ESCO1: variants seen among roughly 807,000 people sequenced by gnomAD.
ESCO1 encodes N-acetyltransferase ESCO1.
In ESCO1, 33 loss-of-function variants were observed where a neutral mutation model predicts 83.5. The observed-to-expected ratio is 0.40, with a 90% confidence interval of 0.30 to 0.53. ESCO1 has a LOEUF of 0.53. Among genes scored for constraint, ESCO1 ranks in the 20% least tolerant of loss-of-function variants. ESCO1 has a pLI of 0.63. For missense variants in ESCO1, 855 were observed against 968.0 expected (o/e 0.88, Z 1.55); for synonymous variants, 332 against 324.3 (o/e 1.02, Z -0.25).
intron 11 of ESCO1, 28 bp from the exon 12 acceptor site, chr18:21,530,518 G>A (rs771936269): frequency 5.7e-6 from 8 of 1,392,140 alleles, no homozygotes; most frequent in Admixed American, 5.0e-5. Context: ...GGGGGGGGAA[G>A]GGTTAAGTGT....
chr18:21,557,173 TATC>T (rs1412043230), intron 8 of ESCO1, among the ~76,000 whole-genome samples: 1 of 152,238 alleles, frequency 6.6e-6, no homozygotes, highest in African/African-American at 2.4e-5. Flanking sequence ...TTTAAATTTT[TATC>T]ATTCAAAATA....
chr18:21,535,974 G>A, intron 10 of ESCO1, 68 bp downstream of exon 10: 2 of 1,540,792 alleles, frequency 1.3e-6, no homozygotes, highest in Non-Finnish European at 1.8e-6. Context: ...CAGGATTTAT[G>A]TTATTTGGGA....
chr18:21,566,586 A>T (rs1246864378), intron 5 of ESCO1, among the ~76,000 whole-genome samples: 1 of 152,232 alleles, frequency 6.6e-6, no homozygotes, highest in Non-Finnish European at 1.5e-5. Flanking sequence ...GACGCCGGGC[A>T]TGGTGGCCTC....
chr18:21,575,528 A>C (rs2038408061), intron 3 of ESCO1, 98 bp from the exon 4 acceptor site: 2 of 398,242 alleles, frequency 5.0e-6, no homozygotes, highest in Non-Finnish European at 8.9e-6. Context: ...GGAAAATCTA[A>C]CTCCTCCTTT....
Position 21,567,962 on chromosome 18 carries a change from A to G in ESCO1, c.1645+18T>C. 1 of 1,574,986 alleles carries G rather than the reference A, an allele frequency of 6.3e-7. No individual in the cohort carries two copies. Among genetic ancestry groups the G allele is most frequent in the Non-Finnish European group, 8.7e-7 (1 of 1,150,840 alleles). ...CACTGAAGACTATGAAATCCAAATA[A>G]TATTTCCAAAGTATTACCTGGAAAT... On this transcript the variant is annotated intron_variant, in intron 5 of 11. Transcript: ENST00000269214.
At position 21,574,323 on chromosome 18, in the gene ESCO1, T is replaced by G. The variant is rs773476988; in HGVS notation, c.521A>C (p.His174Pro). ...TACTTCCAGTACTTTTCTCTTCACA[T>G]GTTTTTGACTTGTTTTATTAGATTT... ...QSKSNKTSQK[H>P]VKRKVLEVKS... The change falls in exon 4 of 12, where the codon CAT becomes CCT. Residue 174 changes from histidine to proline, a missense_variant. Physicochemically the swap from His to Pro is moderately conservative, Grantham distance 77. Around this residue, in one of 2 missense-constraint regions of ESCO1, gnomAD observed 726 missense variants for 699.5 expected, o/e 1.04. Transcript: ENST00000269214. 2 of 1,613,820 alleles carry G rather than the reference T, an allele frequency of 1.2e-6. No individual in the cohort carries two copies. The highest frequency in any genetic ancestry group is 1.7e-5 in the Admixed American group (1 of 59,934).
chr18:21,530,513 G>GA, intron 11 of ESCO1, 23 bp from the exon 12 acceptor site: 1 of 1,423,138 alleles, frequency 7.0e-7, no homozygotes, highest in Admixed American at 2.3e-5. Flanking sequence ...AATGGGGGGG[G>GA]GGAAGGGTTA....
At chr18:21,582,833 C>A (rs556868759) in intron 2 of ESCO1, among the ~76,000 whole-genome samples, 1 of 152,244 alleles carries the variant, frequency 6.6e-6, no homozygotes, top group Non-Finnish European at 1.5e-5. Flanking sequence ...TACATTACTA[C>A]AAATGATTCA....
At chr18:21,571,839 C>G (rs1483845821) in intron 4 of ESCO1, among the ~76,000 whole-genome samples, 1 of 152,200 alleles carries the variant, frequency 6.6e-6, no homozygotes, top group East Asian at 1.9e-4. Flanking sequence ...CTATCACTGA[C>G]TGGTAAAATC....
chr18:21,537,378 T>C (rs1230806474), intron 9 of ESCO1, among the ~76,000 whole-genome samples: 1 of 152,040 alleles, frequency 6.6e-6, no homozygotes, highest in East Asian at 1.9e-4. Context: ...CTTTACAAAA[T>C]TGTTTTATTA....
At chr18:21,544,462 A>C (rs947321173) in intron 8 of ESCO1, among the ~76,000 whole-genome samples, 22 of 148,702 alleles carry the variant, frequency 1.5e-4, no homozygotes, top group Middle Eastern at 3.4e-3. Context: ...CAAAAAAAAA[A>C]CAAAAAAAAA....
At chr18:21,585,892 G>A (rs2038568757) in intron 1 of ESCO1, among the ~76,000 whole-genome samples, 1 of 152,050 alleles carries the variant, frequency 6.6e-6, no homozygotes, top group Non-Finnish European at 1.5e-5. Flanking sequence ...ACTGAGCCCA[G>A]CCTAAAAGAA....
chr18:21,582,894 AAC>A (rs2038521828), intron 2 of ESCO1, among the ~76,000 whole-genome samples: 1 of 152,258 alleles, frequency 6.6e-6, no homozygotes, highest in Non-Finnish European at 1.5e-5. Context: ...CTAATTTTCA[AAC>A]AGTTTAATTT....
At position 21,574,790 on chromosome 18, in the gene ESCO1, T is replaced by C; in HGVS notation, c.54A>G (p.Lys18=). The part of the protein sequence containing the change: ...SKENSSKVTK[K]SDDKNSETEI... ...CTGTTTCTGAATTCTTATCGTCACTTTTTTTAGTAACTTTGGAGGAATTCT... is the reference window on the plus strand; with the variant it reads ...CTGTTTCTGAATTCTTATCGTCACTCTTTTTAGTAACTTTGGAGGAATTCT... The change falls in exon 4 of 12, where the codon AAA becomes AAG. Residue 18 remains lysine, a synonymous_variant. Coordinates refer to ENST00000269214, the MANE Select transcript of ESCO1 (RefSeq NM_052911.3). The C allele has an allele frequency of 6.2e-7, 1 of 1,600,834 alleles. No homozygotes were observed. Among genetic ancestry groups the C allele is most frequent in the East Asian group, 2.2e-5 (1 of 44,850 alleles).
At position 21,530,473 on chromosome 18, in the gene ESCO1, C is replaced by T. The variant is rs1319414766; in HGVS notation, c.2393G>A (p.Gly798Asp). 6.4e-7 allele frequency: 1 copy of T among 1,567,828 alleles called. No individual in the cohort carries two copies. Among genetic ancestry groups the T allele is most frequent in the Non-Finnish European group, 8.7e-7 (1 of 1,155,800 alleles). Residue 798 changes from glycine to aspartate, a missense_variant, in exon 12 of 12, where the codon GGC becomes GAC. Gly to Asp is a moderately conservative substitution (Grantham distance 94). This residue lies in a region of ESCO1 where 129 missense variants were observed against 268.5 expected (regional missense o/e 0.48). Transcript: ENST00000269214. Reference sequence around the variant, plus strand: ...AATTTCTTCTTTGCTCAAATATGAGCCATATATAAAGTTACTCCTATTAAA... The same window carrying T: ...AATTTCTTCTTTGCTCAAATATGAGTCATATATAAAGTTACTCCTATTAAA... ...IECLRSNFIYGSYLSKEEIAF... is the reference protein window; with the variant it reads ...IECLRSNFIYDSYLSKEEIAF...
At chr18:21,530,549 A>G in intron 11 of ESCO1, 59 bp from the exon 12 acceptor site, 2 of 1,426,422 alleles carry the variant, frequency 1.4e-6, no homozygotes, top group Admixed American at 5.0e-5. Flanking sequence ...AAAAAAAAAA[A>G]TTCTAATCAT....
intron 1 of ESCO1, among the ~76,000 whole-genome samples, 163 bp from the exon 2 acceptor site, chr18:21,584,603 T>C (rs1471058021): frequency 6.6e-6 from 1 of 152,020 alleles, no homozygotes. Flanking sequence ...CAAGGATCGC[T>C]TGAGCCCAGG....
At chr18:21,548,154 T>C (rs1188357638) in intron 8 of ESCO1, among the ~76,000 whole-genome samples, 2 of 151,500 alleles carry the variant, frequency 1.3e-5, no homozygotes, top group African/African-American at 4.9e-5. Context: ...AAGGCACAGA[T>C]AAAAATGGGA....
In ESCO1 at chr18:21,584,350, GATGA is replaced by G. The variant is rs2038544192; in HGVS notation, c.-738_-735del. The G allele has an allele frequency of 6.6e-6, 1 of 151,140 alleles. No individual in the cohort carries two copies. The highest frequency in any genetic ancestry group is 2.1e-4 in the South Asian group (1 of 4,782). 9.4% of individuals were successfully genotyped at this position (151,140 alleles called of 1,614,324 possible). On this transcript the variant is annotated 5_prime_UTR_variant, in exon 2 of 12. Coordinates refer to ENST00000269214, the MANE Select transcript of ESCO1 (RefSeq NM_052911.3). Reference sequence around the variant, plus strand: ...TATCACCTTTTTCTTCAAGTTGATTGATGAATGATGCTTCTGATGAATGATACTT... The same window carrying G: ...TATCACCTTTTTCTTCAAGTTGATTGATGATGCTTCTGATGAATGATACTT...
Sources: gnomAD v4.1 joint callset for allele counts (sites outside exome capture counted in the v4.1 genomes callset) on GRCh38, gnomAD v4.1.1 for gene constraint, gnomAD v4.1.1 regional missense constraint, MANE v1.5 for transcripts, NCBI Gene and HGNC (gene_info 2026-07-23, HGNC 2026-07-21) for gene names.